CFAP61: variants seen among roughly 807,000 people sequenced by gnomAD.
CFAP61 encodes cilia and flagella associated protein 61.
CFAP61 carries 107 observed loss-of-function variants against 135.6 expected under a neutral mutation model. The observed-to-expected ratio is 0.79, with a 90% CI of 0.67 to 0.93. CFAP61 has a LOEUF of 0.93. Ranked by LOEUF, CFAP61 falls within the 40% of genes least tolerant of loss-of-function variation. The pLI is 0.00. For missense variants in CFAP61, 1,507 were observed against 1,556.2 expected (o/e 0.97, Z 0.53); for synonymous variants, 575 against 578.5 (o/e 0.99, Z 0.09).
chr20:20,285,444 T>G (rs1452498469), intron 22 of CFAP61, among the ~76,000 whole-genome samples: 3 of 152,216 alleles, frequency 2.0e-5, no homozygotes, highest in Non-Finnish European at 4.4e-5. Context: ...TAAGAGTTTT[T>G]TATATTGTTC....
At chr20:20,353,670 C>T (rs551041501) in intron 26 of CFAP61, among the ~76,000 whole-genome samples, 1 of 152,236 alleles carries the variant, frequency 6.6e-6, no homozygotes, top group East Asian at 1.9e-4. Flanking sequence ...TATGTCATCT[C>T]GCTTAAAGTT....
At chr20:20,354,565 G>A (rs1396474086) in intron 26 of CFAP61, among the ~76,000 whole-genome samples, 1 of 152,016 alleles carries the variant, frequency 6.6e-6, no homozygotes, top group Non-Finnish European at 1.5e-5. Flanking sequence ...CTTACATGTG[G>A]AATCTAAAGA....
intron 17 of CFAP61, among the ~76,000 whole-genome samples, chr20:20,206,036 C>T (rs4142429): frequency 6.6e-6 from 1 of 151,786 alleles, no homozygotes; most frequent in Admixed American, 6.6e-5. Flanking sequence ...ATGTGAATTA[C>T]TGGCATGATC....
At chr20:20,229,555 G>T (rs955034084) in intron 18 of CFAP61, among the ~76,000 whole-genome samples, 1 of 152,122 alleles carries the variant, frequency 6.6e-6, no homozygotes, top group African/African-American at 2.4e-5. Context: ...CTCAGGACAG[G>T]TGGGGCCTTG....
intron 18 of CFAP61, among the ~76,000 whole-genome samples, chr20:20,245,603 C>T (rs1266981200): frequency 6.6e-6 from 1 of 152,162 alleles, no homozygotes; most frequent in African/African-American, 2.4e-5. Context: ...CAGAGCCAAA[C>T]TATATCAATG....
At chr20:20,213,467 T>A (rs6035583) in intron 17 of CFAP61, among the ~76,000 whole-genome samples, 38,071 of 151,714 alleles carry the variant, frequency 0.25, 5,292 homozygotes, top group East Asian at 0.57. Flanking sequence ...AATCCAAATT[T>A]TGGAAAAGGT....
At chr20:20,358,827 A>G (rs537526573) in intron 26 of CFAP61, among the ~76,000 whole-genome samples, 23 of 152,340 alleles carry the variant, frequency 1.5e-4, no homozygotes, top group Non-Finnish European at 2.6e-4. Flanking sequence ...TAATAATCCA[A>G]CAAAACCCTG....
At chr20:20,112,750 A>G (rs1452783880) in intron 8 of CFAP61, among the ~76,000 whole-genome samples, 1 of 152,138 alleles carries the variant, frequency 6.6e-6, no homozygotes, top group East Asian at 1.9e-4. Context: ...ATCTTCAACC[A>G]TTTTGGTGGG....
At chr20:20,256,451 A>T (rs1227483097) in intron 20 of CFAP61, among the ~76,000 whole-genome samples, 1 of 151,876 alleles carries the variant, frequency 6.6e-6, no homozygotes, top group Non-Finnish European at 1.5e-5. Flanking sequence ...GCAACTATTT[A>T]TCATCCTTTA....
chr20:20,201,649 A>C (rs1011889573), intron 17 of CFAP61, among the ~76,000 whole-genome samples: 3 of 152,214 alleles, frequency 2.0e-5, no homozygotes, highest in Non-Finnish European at 4.4e-5. Context: ...CAGTGGCTAC[A>C]TGCTGTCTCC....
chr20:20,215,423 G>T (rs1456187214), intron 17 of CFAP61, among the ~76,000 whole-genome samples: 1 of 152,110 alleles, frequency 6.6e-6, no homozygotes, highest in African/African-American at 2.4e-5. Context: ...TATTGCTAAG[G>T]ATTTTGTTCT....
intron 20 of CFAP61, chr20:20,258,279 T>C (rs1032764215): frequency 5.3e-5 from 8 of 152,072 alleles, no homozygotes; most frequent in South Asian, 4.2e-4. Context: ...AGAAAGTGAA[T>C]TGGAGAAAGA....
At chr20:20,310,882 G>A (rs922334638) in intron 25 of CFAP61, among the ~76,000 whole-genome samples, 14 of 152,226 alleles carry the variant, frequency 9.2e-5, no homozygotes, top group Non-Finnish European at 1.6e-4. Flanking sequence ...CCTCCTCAGG[G>A]TGTTCCATGG....
At chr20:20,206,656 C>G (rs1452068797) in intron 17 of CFAP61, among the ~76,000 whole-genome samples, 2 of 151,936 alleles carry the variant, frequency 1.3e-5, no homozygotes, top group African/African-American at 4.8e-5. Flanking sequence ...TTTTTTCATG[C>G]ATGAGTTGAT....
At chr20:20,216,886 T>A (rs997126241) in intron 17 of CFAP61, among the ~76,000 whole-genome samples, 5 of 152,114 alleles carry the variant, frequency 3.3e-5, no homozygotes, top group African/African-American at 1.2e-4. Flanking sequence ...ATGTGAAGTA[T>A]CTGAGTGACT....
In CFAP61 at chr20:20,052,726, C is replaced by T. The variant is rs762528371; in HGVS notation, c.-37+135C>T. ...GGCTCTGTCGAGCCGTGGCGCCCTG[C>T]AAGGGAGTAAGAACGGAGCTCCAAT... On this transcript the variant is annotated intron_variant, in intron 1 of 26. Transcript: ENST00000245957. The T allele has an allele frequency of 5.5e-5, 88 of 1,600,920 alleles. No homozygotes were observed. In the South Asian group the frequency reaches 9.3e-4, roughly 17 times the overall value.
intron 22 of CFAP61, among the ~76,000 whole-genome samples, chr20:20,279,735 C>T (rs929275358): frequency 2.0e-5 from 3 of 152,210 alleles, no homozygotes; most frequent in Non-Finnish European, 2.9e-5. Context: ...CCGTCTGAGT[C>T]AGACATTGGC....
At chr20:20,240,415 C>T (rs1299699300) in intron 18 of CFAP61, among the ~76,000 whole-genome samples, 1 of 152,130 alleles carries the variant, frequency 6.6e-6, no homozygotes. Context: ...CCTGCATGGC[C>T]CCAGCTCTCA....
At chr20:20,251,318 C>T (rs1352363620) in intron 19 of CFAP61, among the ~76,000 whole-genome samples, 1 of 147,940 alleles carries the variant, frequency 6.8e-6, no homozygotes, top group African/African-American at 2.5e-5. Context: ...TTCACACACA[C>T]ACACATACAG....
Sources: gnomAD v4.1 joint callset for allele counts (sites outside exome capture counted in the v4.1 genomes callset) on GRCh38, gnomAD v4.1.1 for gene constraint, MANE v1.5 for transcripts, NCBI Gene and HGNC (gene_info 2026-07-23, HGNC 2026-07-21) for gene names.